The following PPFIA2 variants were observed in gnomAD, a reference collection of about 807,000 sequenced individuals.
PPFIA2 encodes the protein PPFI scaffold protein A2.
Under a neutral mutation model 175.5 loss-of-function variants are expected in PPFIA2, and 46 were observed. That is an observed-to-expected ratio of 0.26 (90% CI 0.21 to 0.34). The LOEUF is 0.34. Ranked by LOEUF, PPFIA2 falls within the 10% of genes least tolerant of loss-of-function variation. PPFIA2 has a pLI of 1.00. For missense variants in PPFIA2, 1,179 were observed against 1,506.1 expected, an observed-to-expected ratio of 0.78 and a Z score of 3.60; for synonymous variants, 568 against 511.4, an observed-to-expected ratio of 1.11 and a Z score of -1.49.
chr12:81,507,895 C>T (rs2061348114), intron 4 of PPFIA2, among the ~76,000 whole-genome samples: 1 of 152,184 alleles, frequency 6.6e-6, no homozygotes, highest in South Asian at 2.1e-4. Context: ...AGAGCACAAA[C>T]ATCTATCATT....
At chr12:81,727,846 T>C (rs1279165892) in intron 3 of PPFIA2, among the ~76,000 whole-genome samples, 2 of 151,354 alleles carry the variant, frequency 1.3e-5, no homozygotes, top group African/African-American at 4.8e-5. Flanking sequence ...TCTCCAGTTT[T>C]GACACTTAGT....
intron 30 of PPFIA2, 42 bp downstream of exon 30, chr12:81,266,910 T>A (rs762484390): frequency 7.0e-7 from 1 of 1,422,182 alleles, no homozygotes; most frequent in Admixed American, 1.7e-5. Flanking sequence ...ATCATTTTTC[T>A]TTTACTCTCT....
chr12:81,521,860 T>A (rs2063194792), intron 4 of PPFIA2, among the ~76,000 whole-genome samples: 1 of 151,690 alleles, frequency 6.6e-6, no homozygotes, highest in African/African-American at 2.4e-5. Flanking sequence ...TTTGTAAAAA[T>A]CTATGATCTT....
intron 4 of PPFIA2, among the ~76,000 whole-genome samples, chr12:81,661,332 C>T (rs2068827483): frequency 6.6e-6 from 1 of 151,956 alleles, no homozygotes; most frequent in South Asian, 2.1e-4. Flanking sequence ...CACATAGGCT[C>T]AAAATAAAGG....
chr12:81,369,685 T>C (rs2034558573), intron 11 of PPFIA2, among the ~76,000 whole-genome samples: 1 of 151,676 alleles, frequency 6.6e-6, no homozygotes, highest in South Asian at 2.1e-4. Context: ...AATCATCAGA[T>C]GAGGTAGAAG....
intron 4 of PPFIA2, among the ~76,000 whole-genome samples, chr12:81,647,544 G>T (rs991550804): frequency 6.6e-6 from 1 of 151,606 alleles, no homozygotes; most frequent in African/African-American, 2.4e-5. Context: ...AGCAGATCAC[G>T]AGGTCAGGAG....
intron 8 of PPFIA2, among the ~76,000 whole-genome samples, chr12:81,405,161 G>C (rs1425993857): frequency 6.6e-6 from 1 of 152,102 alleles, no homozygotes; most frequent in African/African-American, 2.4e-5. Context: ...TTTCCTTTGT[G>C]TGGGACTAAA....
At chr12:81,623,199 A>G (rs1041730694) in intron 4 of PPFIA2, among the ~76,000 whole-genome samples, 2 of 152,104 alleles carry the variant, frequency 1.3e-5, no homozygotes, top group South Asian at 4.1e-4. Context: ...ATAGCATTAA[A>G]TAGAAGTGTG....
intron 3 of PPFIA2, among the ~76,000 whole-genome samples, chr12:81,738,792 T>G (rs924615320): frequency 6.6e-6 from 1 of 151,888 alleles, no homozygotes; most frequent in African/African-American, 2.4e-5. Flanking sequence ...AGAGAAAGAT[T>G]ATCAGTCTGC....
intron 17 of PPFIA2, among the ~76,000 whole-genome samples, chr12:81,351,161 G>A (rs762623313): frequency 6.6e-6 from 1 of 152,052 alleles, no homozygotes; most frequent in Non-Finnish European, 1.5e-5. Flanking sequence ...CAATTGTAAT[G>A]AAAACCATCT....
In PPFIA2 at chr12:81,743,411, C is replaced by CAAAAAAAAAAAAA. The variant is rs772497730; in HGVS notation, c.249+10549_249+10561dup. Among the ~76,000 whole-genome samples, 3 of 24,852 alleles carry CAAAAAAAAAAAAA rather than the reference C, an allele frequency of 1.2e-4. 1 individual carries two copies. Among genetic ancestry groups the CAAAAAAAAAAAAA allele is most frequent in the Non-Finnish European group, 1.9e-4 (3 of 15,500 alleles). 16.3% of individuals were successfully genotyped at this position (24,852 alleles called of 152,430 possible). A position where few individuals can be genotyped will look rare whatever the true frequency, so the allele number is the denominator to read the frequency against. Reference sequence around the variant, plus strand: ...CGGGCCACAGAGTGAGACTCCGTCTCAAAAAAAAAAAAAAAAAAAAAAAAA... The same window carrying CAAAAAAAAAAAAA: ...CGGGCCACAGAGTGAGACTCCGTCTCAAAAAAAAAAAAAAAAAAAAAAAAAAAAAAAAAAAAAA... On this transcript the variant is annotated intron_variant, in intron 3 of 32. Transcript: ENST00000549396.
At chr12:81,613,238 T>C (rs1044183057) in intron 4 of PPFIA2, among the ~76,000 whole-genome samples, 3 of 152,170 alleles carry the variant, frequency 2.0e-5, no homozygotes, top group African/African-American at 7.2e-5. Flanking sequence ...GATGCCTACA[T>C]AGTTCCAGAG....
intron 3 of PPFIA2, among the ~76,000 whole-genome samples, chr12:81,690,460 C>A (rs2075099091): frequency 6.6e-6 from 1 of 151,994 alleles, no homozygotes; most frequent in Non-Finnish European, 1.5e-5. Flanking sequence ...CACTTAGGCA[C>A]CAAAGTCTAT....
chr12:81,266,707 A>G (rs2037378262), intron 30 of PPFIA2, among the ~76,000 whole-genome samples: 1 of 152,212 alleles, frequency 6.6e-6, no homozygotes, highest in African/African-American at 2.4e-5. Flanking sequence ...ACTCATAAAA[A>G]TGTTTTGTAA....
intron 4 of PPFIA2, among the ~76,000 whole-genome samples, chr12:81,580,200 A>T (rs2074197466): frequency 6.6e-6 from 1 of 151,856 alleles, no homozygotes; most frequent in Non-Finnish European, 1.5e-5. Flanking sequence ...GTCAAGCCTC[A>T]TGATGGGTTC....
At chr12:81,723,694 C>A (rs1186582819) in intron 3 of PPFIA2, among the ~76,000 whole-genome samples, 2 of 150,890 alleles carry the variant, frequency 1.3e-5, no homozygotes, top group East Asian at 1.9e-4. Context: ...TTATTAAATT[C>A]TTGCAAACAC....
chr12:81,356,502 A>G (rs1431737540), intron 16 of PPFIA2, among the ~76,000 whole-genome samples: 3 of 152,028 alleles, frequency 2.0e-5, no homozygotes, highest in Non-Finnish European at 4.4e-5. Flanking sequence ...ATCACTACAA[A>G]AAATACAAAA....
intron 9 of PPFIA2, among the ~76,000 whole-genome samples, chr12:81,380,215 A>G (rs1161470159): frequency 6.6e-6 from 1 of 152,034 alleles, no homozygotes; most frequent in African/African-American, 2.4e-5. Context: ...AAACACAAAA[A>G]TTTTCCAGAC....
At chr12:81,498,066 A>T (rs989941008) in intron 4 of PPFIA2, among the ~76,000 whole-genome samples, 13 of 152,210 alleles carry the variant, frequency 8.5e-5, no homozygotes, top group African/African-American at 3.1e-4. Context: ...GCAAATTTAC[A>T]GAGTTGGCAT....
Sources: gnomAD v4.1 joint callset for allele counts (sites outside exome capture counted in the v4.1 genomes callset) on GRCh38, gnomAD v4.1.1 for gene constraint, MANE v1.5 for transcripts, NCBI Gene and HGNC (gene_info 2026-07-23, HGNC 2026-07-21) for gene names.